The following RIN3 variants were observed in gnomAD, a reference collection of about 807,000 sequenced individuals.
RIN3 encodes RAB5 interacting protein 3.
A neutral mutation model predicts 76.3 loss-of-function variants in RIN3; 54 were observed. That is an observed-to-expected ratio of 0.71 (90% confidence interval 0.57 to 0.89). The LOEUF (loss-of-function observed/expected upper bound fraction) is 0.89. Ranked by LOEUF, RIN3 falls within the 40% of genes least tolerant of loss-of-function variation. The probability of loss-of-function intolerance (pLI) is 0.00; values close to 1 mark genes in which losing one functional copy is unlikely to be tolerated. For synonymous variants in RIN3, 576 were observed against 564.0 expected, an observed-to-expected ratio of 1.02 and a Z score of -0.30; for missense variants, 1,256 against 1,322.1, an observed-to-expected ratio of 0.95 and a Z score of 0.78.
chr14:92,651,253 T>A (rs1183135247), intron 5 of RIN3, among the ~76,000 whole-genome samples: 2 of 152,056 alleles, frequency 1.3e-5, no homozygotes, highest in African/African-American at 4.8e-5. Context: ...CAGAGCACAG[T>A]GTTGTCACCC....
At position 92,652,520 on chromosome 14, in the gene RIN3, G is replaced by A. The variant is rs768397498; in HGVS notation, c.1471G>A (p.Glu491Lys). The change falls in exon 6 of 10, where the codon GAG (glutamate) becomes AAG (lysine). Residue 491 changes from glutamate to lysine, a missense_variant. By Grantham distance (56) the Glu-to-Lys change is moderately conservative. Transcript: ENST00000216487. This position sits in a 1 kb window ranked among gnomAD's most constrained non-coding sequence, Gnocchi z 6.4. Reference sequence around the variant, plus strand: ...GCTCTGCACACAGGCGATGGCCTTGGAGACACCCACGCCGGGTCCACCCAG... The same window carrying A: ...GCTCTGCACACAGGCGATGGCCTTGAAGACACCCACGCCGGGTCCACCCAG... ...AELCTQAMALETPTPGPPREG... is the reference protein window; with the variant it reads ...AELCTQAMALKTPTPGPPREG... 18 of 1,613,892 alleles carry A rather than the reference G, an allele frequency of 1.1e-5. 1 individual carries two copies. The highest frequency in any genetic ancestry group is 1.6e-4 in the Middle Eastern group (1 of 6,062).
At chr14:92,552,819 TA>T (rs1311830945) in intron 1 of RIN3, among the ~76,000 whole-genome samples, 1 of 152,110 alleles carries the variant, frequency 6.6e-6, no homozygotes, top group Non-Finnish European at 1.5e-5. Context: ...TTGCCTTGTT[TA>T]TTGCCCGCCT....
intron 2 of RIN3, among the ~76,000 whole-genome samples, chr14:92,570,822 G>A (rs1382739091): frequency 6.6e-6 from 1 of 152,208 alleles, no homozygotes; most frequent in Non-Finnish European, 1.5e-5. Flanking sequence ...AGACAGAGAA[G>A]TTTTAGCAGG....
intron 2 of RIN3, chr14:92,576,187 C>T: frequency 8.1e-7 from 1 of 1,228,578 alleles, no homozygotes; most frequent in Non-Finnish European, 1.0e-6. Flanking sequence ...AAGGTGTCAC[C>T]TGCCAAGGAG....
At chr14:92,615,295 C>T (rs1885911290) in intron 3 of RIN3, 112 bp from the exon 4 acceptor site, 2 of 852,444 alleles carry the variant, frequency 2.3e-6, no homozygotes, top group South Asian at 1.4e-5. Context: ...CAGCATGGGA[C>T]CCAGAATGTG....
rs1450695987 is a variant in RIN3, at chr14:92,688,103, G to A, written c.2809G>A (p.Asp937Asn). Residue 937 changes from aspartate (D) to asparagine (N), a missense_variant, in exon 10 of 10, where the codon GAC becomes AAC. Asp to Asn is a conservative substitution (Grantham distance 23, BLOSUM62 1). Transcript: ENST00000216487. ...VDGRCFQLAD[D>N]ALPHCIKGYL... ...CGGGCGCTGCTTCCAGCTGGCGGAC[G>A]ACGCGCTGCCGCACTGCATCAAGGG... The A allele has an allele frequency of 1.2e-6, 2 of 1,607,594 alleles. No homozygotes were observed. Among genetic ancestry groups the A allele is most frequent in the Admixed American group, 1.7e-5 (1 of 59,680 alleles).
chr14:92,671,696 C>T (rs7150931), intron 7 of RIN3, among the ~76,000 whole-genome samples: 72,854 of 151,948 alleles, frequency 0.48, 17,579 homozygotes, highest in East Asian at 0.55. Context: ...TGGCCGGCCC[C>T]GAAGTCCTCA....
intron 3 of RIN3, among the ~76,000 whole-genome samples, chr14:92,601,960 T>C (rs1401223087): frequency 6.6e-6 from 1 of 152,252 alleles, no homozygotes; most frequent in Non-Finnish European, 1.5e-5. Context: ...TTAGAAAGCC[T>C]CATCTACGCA....
At chr14:92,560,162 C>T (rs1479076363) in intron 2 of RIN3, among the ~76,000 whole-genome samples, 1 of 152,178 alleles carries the variant, frequency 6.6e-6, no homozygotes. Flanking sequence ...TCCTTCAGCC[C>T]CAGCAGGGGA....
chr14:92,553,095 A>T (rs1897480150), intron 1 of RIN3, among the ~76,000 whole-genome samples: 1 of 151,692 alleles, frequency 6.6e-6, no homozygotes, highest in Admixed American at 6.6e-5. Context: ...CAAATGGAGA[A>T]GCTTCCTTCT....
intron 4 of RIN3, among the ~76,000 whole-genome samples, chr14:92,617,429 G>T (rs1886012788): frequency 6.6e-6 from 1 of 151,958 alleles, no homozygotes; most frequent in African/African-American, 2.4e-5. Flanking sequence ...CCATCATTTT[G>T]GGTTTCTGGT....
At chr14:92,550,494 G>C (rs1192897847) in intron 1 of RIN3, among the ~76,000 whole-genome samples, 1 of 152,084 alleles carries the variant, frequency 6.6e-6, no homozygotes, top group African/African-American at 2.4e-5. Flanking sequence ...GCTCACTGCA[G>C]CCTCCACCTC....
At chr14:92,662,792 C>G (rs1489295077) in intron 7 of RIN3, among the ~76,000 whole-genome samples, 1 of 151,718 alleles carries the variant, frequency 6.6e-6, no homozygotes, top group Non-Finnish European at 1.5e-5. Flanking sequence ...TCCTGGAATT[C>G]TTTTTAAAAC....
intron 4 of RIN3, chr14:92,615,734 A>G (rs925005973): frequency 1.2e-5 from 6 of 495,000 alleles, no homozygotes; most frequent in Admixed American, 1.0e-4. Context: ...AGCTTCCTGT[A>G]TCATCAGCTT....
At position 92,514,198 on chromosome 14, in the gene RIN3, G is replaced by A. The variant is rs1008984459; in HGVS notation, c.44+222G>A. On this transcript the variant is annotated intron_variant, in intron 1 of 9. Coordinates refer to ENST00000216487, the MANE Select transcript of RIN3 (RefSeq NM_024832.5). The surrounding 1 kb of genome is among the most constrained non-coding windows in gnomAD (Gnocchi z 7.2). The stretch of plus-strand genomic sequence containing the variant: ...ACCCGATGTTGGCTAAACTTTCAAG[G>A]CCAGGCATTTCACTGGGAACCCAGT... Among the ~76,000 whole-genome samples the A allele has an allele frequency of 7.2e-5, 11 of 152,166 alleles. No homozygotes were observed. The highest frequency in any genetic ancestry group is 1.5e-5 in the Non-Finnish European group (1 of 68,002).
At chr14:92,645,983 G>A (rs540466800) in intron 5 of RIN3, among the ~76,000 whole-genome samples, 5 of 152,062 alleles carry the variant, frequency 3.3e-5, no homozygotes, top group Non-Finnish European at 7.4e-5. Flanking sequence ...AATTGATTGC[G>A]GTGAGAGTTG....
chr14:92,627,731 G>T (rs1055622412), intron 4 of RIN3, among the ~76,000 whole-genome samples: 1 of 152,230 alleles, frequency 6.6e-6, no homozygotes, highest in East Asian at 1.9e-4. Context: ...CGTCAGCAAG[G>T]CAGTGGGTCA....
chr14:92,572,761 G>C (rs1231238061), intron 2 of RIN3, among the ~76,000 whole-genome samples: 2 of 152,066 alleles, frequency 1.3e-5, no homozygotes, highest in Admixed American at 6.5e-5. Context: ...GGCTCCGTGG[G>C]TTGGTGAAAG....
chr14:92,672,602 G>A (rs535204525), intron 7 of RIN3, among the ~76,000 whole-genome samples: 5 of 152,232 alleles, frequency 3.3e-5, no homozygotes, highest in African/African-American at 1.2e-4. Context: ...GGGGCAAAAT[G>A]TAGGGGGATG....
Sources: allele counts gnomAD v4.1 joint callset (sites outside exome capture counted in the v4.1 genomes callset), GRCh38; gene constraint gnomAD v4.1.1; non-coding constraint Gnocchi (gnomAD v3.1); transcripts MANE v1.5; gene names NCBI Gene and HGNC (gene_info 2026-07-23, HGNC 2026-07-21).